Variants in CEP162 observed in about 807,000 individuals in gnomAD.
CEP162 encodes the protein centrosomal protein of 162 kDa.
Under a neutral mutation model 169.2 loss-of-function variants are expected in CEP162, and 141 were observed. That is an observed-to-expected ratio of 0.83 (90% CI 0.73 to 0.96). The LOEUF is 0.96. CEP162 is among the 40% of genes least tolerant of loss of function. CEP162 has a pLI of 0.00. For synonymous variants in CEP162, 540 were observed against 526.4 expected (o/e 1.03, Z -0.35); for missense variants, 1,600 against 1,587.2 (o/e 1.01, Z -0.14).
chr6:84,174,779 T>G lies in CEP162; in HGVS notation c.1973A>C (p.Gln658Pro), dbSNP rs567319109. ...ATTCAATTTGAAGAGTTCTTTTTCC[T>G]GTTGTTTCTTTAGTTCTTCCAACTT... is the stretch of plus-strand genomic sequence containing the variant. ...ENKLEELKKQQEKELFKLNQD... is the reference protein window; with the variant it reads ...ENKLEELKKQPEKELFKLNQD... The change falls in exon 15 of 27, where the codon CAG (glutamine) becomes CCG (proline). Residue 658 changes from glutamine (Q) to proline (P), a missense_variant. Coordinates refer to ENST00000403245, the MANE Select transcript of CEP162 (RefSeq NM_014895.4). 5.7e-6 allele frequency: 9 copies of G among 1,568,154 alleles called. No homozygotes were observed. The African/African-American group carries it at 1.1e-4, about 19-fold the overall frequency.
Position 84,146,803 on chromosome 6 carries a change from G to A in CEP162, c.3772-18C>T. ...ATAAGTACCTAGGAAATTGTTAGAA[G>A]TGCTGAGTTAATAAAGCTCCTCCTT... is the stretch of plus-strand genomic sequence containing the variant. On this transcript the variant is annotated intron_variant, in intron 24 of 26. Transcript: ENST00000403245. 1 of 1,323,382 alleles carries A rather than the reference G, an allele frequency of 7.6e-7. No homozygotes were observed. The highest frequency in any genetic ancestry group is 1.5e-5 in the African/African-American group (1 of 68,222). 82.0% of individuals were successfully genotyped at this position (1,323,382 alleles called of 1,614,324 possible).
chr6:84,192,181 A>T (rs969271070), intron 11 of CEP162, among the ~76,000 whole-genome samples: 1 of 152,238 alleles, frequency 6.6e-6, no homozygotes, highest in African/African-American at 2.4e-5. Flanking sequence ...ATGTTATAGC[A>T]GCTAGGGTCA....
chr6:84,224,559 T>C lies in CEP162; in HGVS notation c.57+1778A>G, dbSNP rs6921981. 8.3e-3 allele frequency among the ~76,000 whole-genome samples: 1,261 copies of C among 152,318 alleles called. 18 individuals carry two copies. Among genetic ancestry groups the C allele is most frequent in the African/African-American group, 0.029 (1,205 of 41,578 alleles). ...AATTATGTCTCAATAAAGCTATTTT[T>C]AAAAAGCTGGTTACCACTACTGTCC... is the stretch of plus-strand genomic sequence containing the variant. On this transcript the variant is annotated intron_variant, in intron 2 of 26. Coordinates refer to ENST00000403245, the MANE Select transcript of CEP162 (RefSeq NM_014895.4).
chr6:84,132,022 T>C (rs1052568645), intron 25 of CEP162, among the ~76,000 whole-genome samples: 1 of 152,220 alleles, frequency 6.6e-6, no homozygotes, highest in African/African-American at 2.4e-5. Flanking sequence ...CAGGAGCTCT[T>C]GTAAGGCATG....
intron 6 of CEP162, among the ~76,000 whole-genome samples, chr6:84,207,975 T>C (rs1283278979): frequency 6.6e-6 from 1 of 152,040 alleles, no homozygotes; most frequent in Non-Finnish European, 1.5e-5. Flanking sequence ...TTGTGAAATC[T>C]TGCCACTTTT....
rs9449852 is a variant in CEP162, at chr6:84,226,212, G to A, written c.57+125C>T. Reference sequence around the variant, plus strand: ...ACTAGCAGTGGCAGAAAAGGGACAGGGCTAGAGGGATGATGGGAATTCAGA... The same window carrying A: ...ACTAGCAGTGGCAGAAAAGGGACAGAGCTAGAGGGATGATGGGAATTCAGA... On this transcript the variant is annotated intron_variant, in intron 2 of 26. Transcript: ENST00000403245. 1,186 of 681,514 alleles carry A rather than the reference G, an allele frequency of 1.7e-3. 15 individuals are homozygous for A. In the African/African-American group the frequency reaches 0.019, roughly 11 times the overall value. The allele number at this position is 681,514 out of a possible 1,614,324, so 42.2% of individuals were successfully genotyped here.
At chr6:84,197,477 T>C (rs2099542620) in intron 9 of CEP162, among the ~76,000 whole-genome samples, 1 of 152,158 alleles carries the variant, frequency 6.6e-6, no homozygotes, top group Non-Finnish European at 1.5e-5. Context: ...AGTTATTTTA[T>C]GTATTATTAT....
intron 11 of CEP162, among the ~76,000 whole-genome samples, chr6:84,192,513 G>A (rs554415937): frequency 6.6e-6 from 1 of 152,290 alleles, no homozygotes; most frequent in East Asian, 1.9e-4. Flanking sequence ...GCATTGAAGT[G>A]AATGAATTTT....
At chr6:84,135,638 G>C (rs541390104) in intron 25 of CEP162, among the ~76,000 whole-genome samples, 1 of 152,142 alleles carries the variant, frequency 6.6e-6, no homozygotes, top group Admixed American at 6.5e-5. Flanking sequence ...TGAGACGGGT[G>C]AATCACTTGA....
intron 25 of CEP162, among the ~76,000 whole-genome samples, chr6:84,144,019 A>T (rs9444141): frequency 0.039 from 5,864 of 152,080 alleles, 195 homozygotes; most frequent in African/African-American, 0.095. Flanking sequence ...GTATTGTTTC[A>T]TAATGACCTG....
chr6:84,194,455 CTT>C (rs1161034049), intron 10 of CEP162, among the ~76,000 whole-genome samples: 2,449 of 137,158 alleles, frequency 0.018, 62 homozygotes, highest in African/African-American at 0.059. Context: ...TTGAAAAAAT[CTT>C]TTTTTTTTTT....
chr6:84,185,076 C>T, intron 13 of CEP162, 111 bp downstream of exon 13: 1 of 959,834 alleles, frequency 1.0e-6, no homozygotes, highest in Non-Finnish European at 1.5e-6. Flanking sequence ...CTGGGTCAAG[C>T]CCTGTTGCCT....
chr6:84,220,425 T>C (rs1409692917), intron 3 of CEP162, among the ~76,000 whole-genome samples: 1 of 151,932 alleles, frequency 6.6e-6, no homozygotes, highest in African/African-American at 2.4e-5. Context: ...AAGTTCGAGA[T>C]CAGCCTGGCA....
Position 84,174,186 on chromosome 6 carries a change from T to A in CEP162, c.2028A>T (p.Leu676Phe), listed in dbSNP as rs954082658. The change falls in exon 16 of 27, where the codon TTA becomes TTT. Residue 676 changes from leucine to phenylalanine, a missense_variant and splice_region_variant. Transcript: ENST00000403245. The stretch of plus-strand genomic sequence containing the variant: ...TTTTGTTTGTTTCTTCAAAGCTGCT[T>A]AACTTGGAGAAATTGCAGAAATTGT... ...NQDNYILQAKLSSFEETNKKQ... is the reference protein window; with the variant it reads ...NQDNYILQAKFSSFEETNKKQ... 6.3e-7 allele frequency: 1 copy of A among 1,598,720 alleles called. No individual in the cohort carries two copies. Among genetic ancestry groups the A allele is most frequent in the Non-Finnish European group, 8.5e-7 (1 of 1,172,994 alleles).
intron 24 of CEP162, among the ~76,000 whole-genome samples, chr6:84,147,651 A>C (rs538660746): frequency 5.1e-4 from 77 of 152,252 alleles, no homozygotes; most frequent in African/African-American, 1.8e-3. Flanking sequence ...AATAAATATG[A>C]ACATTTTTCA....
rs188809308 is a variant in CEP162, at chr6:84,177,433, T to C, written c.1664-2086A>G. Among the ~76,000 whole-genome samples the C allele has an allele frequency of 3.0e-4, 46 of 152,340 alleles. No individual in the cohort carries two copies. The East Asian group carries it at 7.3e-3, about 24-fold the overall frequency. Reference sequence around the variant, plus strand: ...GGAACTAATCCCAGCTCACGTGGCCTGTATGTGGCAGGGCTCCAGGCCAGA... The same window carrying C: ...GGAACTAATCCCAGCTCACGTGGCCCGTATGTGGCAGGGCTCCAGGCCAGA... On this transcript the variant is annotated intron_variant, in intron 13 of 26. Transcript: ENST00000403245.
intron 3 of CEP162, among the ~76,000 whole-genome samples, chr6:84,218,770 A>G (rs1429311732): frequency 6.6e-6 from 1 of 152,128 alleles, no homozygotes; most frequent in Non-Finnish European, 1.5e-5. Flanking sequence ...TCAAATAATA[A>G]CCTCCATAAG....
intron 13 of CEP162, among the ~76,000 whole-genome samples, chr6:84,181,264 T>C (rs898968707): frequency 4.6e-5 from 7 of 152,198 alleles, no homozygotes; most frequent in African/African-American, 1.7e-4. Flanking sequence ...GGATTCCCTA[T>C]TTAATAAATG....
chr6:84,207,273 G>A (rs940211240), intron 6 of CEP162, among the ~76,000 whole-genome samples: 2 of 152,180 alleles, frequency 1.3e-5, no homozygotes, highest in African/African-American at 2.4e-5. Context: ...GCACATGTAT[G>A]TTTATTGTGG....
Sources: gnomAD v4.1 joint callset for allele counts (sites outside exome capture counted in the v4.1 genomes callset) on GRCh38, gnomAD v4.1.1 for gene constraint, MANE v1.5 for transcripts, NCBI Gene and HGNC (gene_info 2026-07-23, HGNC 2026-07-21) for gene names.